Variants in LDLRAD2 observed in about 807,000 individuals in gnomAD.
LDLRAD2 encodes low density lipoprotein receptor class A domain containing 2, also known as low-density lipoprotein receptor class A domain-containing protein 2.
Under a neutral mutation model 24.9 loss-of-function variants are expected in LDLRAD2, and 25 were observed. The observed-to-expected ratio is 1.00, with a 90% CI of 0.73 to 1.40. The LOEUF is 1.40. Ranked by LOEUF, LDLRAD2 falls within the 40% of genes most tolerant of loss-of-function variation. The pLI is 0.00. For synonymous variants in LDLRAD2, 182 were observed against 166.7 expected (o/e 1.09, Z -0.71); for missense variants, 391 against 366.2 (o/e 1.07, Z -0.55).
Position 21,824,384 on chromosome 1 carries a change from G to A in LDLRAD2, c.*2169G>A, listed in dbSNP as rs1274512770. 1 of 1,613,748 alleles carries A rather than the reference G, an allele frequency of 6.2e-7. No individual in the cohort carries two copies. The highest frequency in any genetic ancestry group is 1.1e-5 in the South Asian group (1 of 91,082). Reference sequence around the variant, plus strand: ...GCCGGCCTCTCCCACCTCCTGCCAGGGAAGCACAGGGTCTCTGGGGTCCCC... The same window carrying A: ...GCCGGCCTCTCCCACCTCCTGCCAGAGAAGCACAGGGTCTCTGGGGTCCCC... On this transcript the variant is annotated 3_prime_UTR_variant, in exon 5 of 5. Coordinates refer to ENST00000344642, the MANE Select transcript of LDLRAD2 (RefSeq NM_001013693.3). The surrounding 1 kb of genome is among the most constrained non-coding windows in gnomAD (Gnocchi z 5.9).
intron 4 of LDLRAD2, 163 bp from the exon 5 acceptor site, chr1:21,822,039 G>A: frequency 1.4e-6 from 2 of 1,462,298 alleles, no homozygotes; most frequent in Non-Finnish European, 1.8e-6. Flanking sequence ...CTGGCTCTCT[G>A]TCTGATGTTG....
At chr1:21,817,411 C>T (rs1030587094) in intron 3 of LDLRAD2, among the ~76,000 whole-genome samples, 1 of 152,142 alleles carries the variant, frequency 6.6e-6, no homozygotes, top group Non-Finnish European at 1.5e-5. Flanking sequence ...GGCGCCATCT[C>T]GGCTCACTGC....
At chr1:21,814,330 C>G in intron 1 of LDLRAD2, 68 bp from the exon 2 acceptor site, 6 of 1,336,090 alleles carry the variant, frequency 4.5e-6, no homozygotes, top group Non-Finnish European at 6.0e-6. Context: ...GATCACACAG[C>G]GGGCAGGGGA....
In LDLRAD2 at chr1:21,823,118, T is replaced by TA; in HGVS notation, c.*903_*904insA. On this transcript the variant is annotated 3_prime_UTR_variant, in exon 5 of 5. Transcript: ENST00000344642. Reference sequence around the variant, plus strand: ...GTGCCCACTCCCATCCAACCTGCCTTGCTGGCCAGCCTTGTGGCTTTGCCC... The same window carrying TA: ...GTGCCCACTCCCATCCAACCTGCCTTAGCTGGCCAGCCTTGTGGCTTTGCCC... The TA allele has an allele frequency of 1.9e-6, 1 of 518,944 alleles. No individual in the cohort carries two copies. The highest frequency in any genetic ancestry group is 3.2e-5 in the East Asian group (1 of 31,116). The allele number at this position is 518,944 out of a possible 1,614,324, so 32.1% of individuals were successfully genotyped here.
In LDLRAD2 at chr1:21,821,626, C is replaced by T. The variant is rs941119437; in HGVS notation, c.805+15C>T. Reference sequence around the variant, plus strand: ...AGCTTTGGAAGGTTACACCTTGCTCCTACTCTTCCCACCAAAATCATACCT... The same window carrying T: ...AGCTTTGGAAGGTTACACCTTGCTCTTACTCTTCCCACCAAAATCATACCT... On this transcript the variant is annotated intron_variant, in intron 4 of 4. Transcript: ENST00000344642. 73 of 1,610,906 alleles carry T rather than the reference C, an allele frequency of 4.5e-5. 4 individuals are homozygous for T. The highest frequency in any genetic ancestry group is 8.5e-7 in the Non-Finnish European group (1 of 1,177,630).
In LDLRAD2 at chr1:21,822,225, CAA is replaced by C; in HGVS notation, c.*12_*13del. 6.2e-7 allele frequency: 1 copy of C among 1,613,452 alleles called. No individual in the cohort carries two copies. Among genetic ancestry groups the C allele is most frequent in the Non-Finnish European group, 8.5e-7 (1 of 1,179,392 alleles). On this transcript the variant is annotated 3_prime_UTR_variant, in exon 5 of 5. Coordinates refer to ENST00000344642, the MANE Select transcript of LDLRAD2 (RefSeq NM_001013693.3). ...AGGCTCCACTGAGTGAAGCCCTCAT[CAA>C]AGACTCAGGAGGCCCCTGGCGGGGA... is the stretch of plus-strand genomic sequence containing the variant.
chr1:21,813,106 C>A (rs1415482114), intron 1 of LDLRAD2, among the ~76,000 whole-genome samples: 2 of 152,174 alleles, frequency 1.3e-5, no homozygotes, highest in African/African-American at 4.8e-5. Flanking sequence ...ACCATCCTGG[C>A]CAACATGGTG....
intron 3 of LDLRAD2, among the ~76,000 whole-genome samples, chr1:21,820,195 C>CTACATT: frequency 6.6e-6 from 1 of 152,334 alleles, no homozygotes; most frequent in South Asian, 2.1e-4. Flanking sequence ...AACTGTACCC[C>CTACATT]TAACCATGGT....
At chr1:21,814,894 C>A in intron 2 of LDLRAD2, 71 bp downstream of exon 2, 4 of 1,338,620 alleles carry the variant, frequency 3.0e-6, no homozygotes, top group African/African-American at 1.5e-5. Flanking sequence ...ACAGTGGGGG[C>A]CCCGGTGAGG....
chr1:21,824,256 G>A lies in LDLRAD2; in HGVS notation c.*2041G>A, dbSNP rs771710501. On this transcript the variant is annotated 3_prime_UTR_variant, in exon 5 of 5. Coordinates refer to ENST00000344642, the MANE Select transcript of LDLRAD2 (RefSeq NM_001013693.3). This position sits in a 1 kb window ranked among gnomAD's most constrained non-coding sequence, Gnocchi z 5.9. ...TGAGCTGGGGCAGGACCGGGGGGTG[G>A]GGTGCTGGGACCAGGGAAGGGAGAG... 9 of 1,612,958 alleles carry A rather than the reference G, an allele frequency of 5.6e-6. No individual in the cohort carries two copies. The highest frequency in any genetic ancestry group is 2.2e-5 in the East Asian group (1 of 44,856).
intron 3 of LDLRAD2, among the ~76,000 whole-genome samples, chr1:21,820,960 G>A (rs538627739): frequency 6.6e-6 from 1 of 152,338 alleles, no homozygotes; most frequent in Non-Finnish European, 1.5e-5. Context: ...CATTTTGGGA[G>A]GCTGAGGCAG....
chr1:21,814,402 C>T lies in LDLRAD2; in HGVS notation c.90C>T (p.Asp30=). 6.3e-7 allele frequency: 1 copy of T among 1,590,572 alleles called. No individual in the cohort carries two copies. ...TTTCCGTGCCTTCCGCTGCAGCCGA[C>T]CTGGCGGAACTGTGCGGGCAGACGT... ...ALTATALETA[D]LAELCGQTWQ... Residue 30 remains aspartate (D), a synonymous_variant, in exon 2 of 5, where the codon GAC becomes GAT. Transcript: ENST00000344642.
chr1:21,818,294 G>C (rs184842528), intron 3 of LDLRAD2, among the ~76,000 whole-genome samples: 54 of 152,320 alleles, frequency 3.5e-4, no homozygotes, highest in East Asian at 2.3e-3. Flanking sequence ...TTACAGGCGT[G>C]AGCCTCCGCA....
rs2097963390 is a variant in LDLRAD2, at chr1:21,824,498, C to T, written c.*2283C>T. Reference sequence around the variant, plus strand: ...GCCACCAGGAAGCCAGCTTCCTGCCCCAGGAGCCCCAAGAGCCCAGCCGGA... The same window carrying T: ...GCCACCAGGAAGCCAGCTTCCTGCCTCAGGAGCCCCAAGAGCCCAGCCGGA... On this transcript the variant is annotated 3_prime_UTR_variant, in exon 5 of 5. Coordinates refer to ENST00000344642, the MANE Select transcript of LDLRAD2 (RefSeq NM_001013693.3). This position sits in a 1 kb window ranked among gnomAD's most constrained non-coding sequence, Gnocchi z 5.9. 1 of 1,609,628 alleles carries T rather than the reference C, an allele frequency of 6.2e-7. No homozygotes were observed. The highest frequency in any genetic ancestry group is 8.5e-7 in the Non-Finnish European group (1 of 1,177,806).
chr1:21,822,150 C>T, intron 4 of LDLRAD2, 52 bp from the exon 5 acceptor site: 2 of 1,613,936 alleles, frequency 1.2e-6, no homozygotes, highest in African/African-American at 1.3e-5. Flanking sequence ...TGATCCCAAG[C>T]CAGCTTGCTT....
At position 21,814,430 on chromosome 1, in the gene LDLRAD2, C is replaced by T; in HGVS notation, c.118C>T (p.Gln40Ter). 3 of 1,608,560 alleles carry T rather than the reference C, an allele frequency of 1.9e-6. No homozygotes were observed. The highest frequency in any genetic ancestry group is 1.7e-4 in the Middle Eastern group (1 of 6,050). ...GGCGGAACTGTGCGGGCAGACGTGGCAGGGGGACGGGCTGCTGCTGCGCTC... is the reference window on the plus strand; with the variant it reads ...GGCGGAACTGTGCGGGCAGACGTGGTAGGGGGACGGGCTGCTGCTGCGCTC... The part of the protein sequence containing the change: ...DLAELCGQTW[Q>*]GDGLLLRSHA... Residue 40 changes from glutamine to a stop codon, truncating the protein, a stop_gained, in exon 2 of 5, where the codon CAG becomes TAG. Coordinates refer to ENST00000344642, the MANE Select transcript of LDLRAD2 (RefSeq NM_001013693.3). LOFTEE classifies it high-confidence loss of function.
intron 4 of LDLRAD2, chr1:21,821,849 C>T: frequency 7.0e-7 from 1 of 1,427,852 alleles, no homozygotes; most frequent in Non-Finnish European, 9.1e-7. Context: ...TGCCCGTGGC[C>T]TCTGCCTCCA....
intron 3 of LDLRAD2, among the ~76,000 whole-genome samples, chr1:21,818,083 G>T (rs1439439530): frequency 2.4e-5 from 3 of 126,752 alleles, no homozygotes; most frequent in Non-Finnish European, 4.9e-5. Flanking sequence ...CTCCATGTTG[G>T]ACAGGCTGGT....
At position 21,812,307 on chromosome 1, in the gene LDLRAD2, C is replaced by A; in HGVS notation, c.-145C>A. ...GATCTGGAAGGCAAAGCACTAAGAT[C>A]ATAGTGAAGACTTGCCTCCCCCTTC... is the stretch of plus-strand genomic sequence containing the variant. On this transcript the variant is annotated 5_prime_UTR_variant, in exon 1 of 5. Transcript: ENST00000344642. The A allele has an allele frequency of 1.6e-6, 1 of 623,514 alleles. No individual in the cohort carries two copies. Among genetic ancestry groups the A allele is most frequent in the Non-Finnish European group, 2.9e-6 (1 of 346,520 alleles). The allele number at this position is 623,514 out of a possible 1,614,324, so 38.6% of individuals were successfully genotyped here. A position where few individuals can be genotyped will look rare whatever the true frequency, so the allele number is the denominator to read the frequency against.
Sources: allele counts gnomAD v4.1 joint callset (sites outside exome capture counted in the v4.1 genomes callset), GRCh38; gene constraint gnomAD v4.1.1; non-coding constraint Gnocchi (gnomAD v3.1); transcripts MANE v1.5; gene names NCBI Gene and HGNC (gene_info 2026-07-23, HGNC 2026-07-21).